The following ABCE1 variants were observed in gnomAD, a reference collection of about 807,000 sequenced individuals.
ABCE1 encodes the protein ATP-binding cassette sub-family E member 1.
A neutral mutation model predicts 83.4 loss-of-function variants in ABCE1; 22 were observed. The observed-to-expected ratio is 0.26, with a 90% confidence interval of 0.19 to 0.38. The LOEUF is 0.38. Ranked by LOEUF, ABCE1 falls within the 10% of genes least tolerant of loss-of-function variation. The pLI, the probability that ABCE1 is intolerant of heterozygous loss-of-function variation, is 1.00. For missense variants in ABCE1, 330 were observed against 721.9 expected (o/e 0.46, Z 6.22); for synonymous variants, 204 against 233.7 (o/e 0.87, Z 1.16).
chr4:145,110,295 A>T lies in ABCE1; in HGVS notation c.543+55A>T, dbSNP rs1579213401. The T allele has an allele frequency of 5.6e-6, 9 of 1,598,724 alleles. No individual in the cohort carries two copies. The East Asian group carries it at 2.0e-4, about 36-fold the overall frequency. On this transcript the variant is annotated intron_variant, in intron 6 of 17. Transcript: ENST00000296577. ...ATATTAGTAGAAGTATAAAAGATAT[A>T]TCAAAATAAACTTGTTTTACTTTGT... is the stretch of plus-strand genomic sequence containing the variant.
chr4:145,109,764 T>C (rs1194538136), intron 5 of ABCE1, among the ~76,000 whole-genome samples: 1 of 152,200 alleles, frequency 6.6e-6, no homozygotes. Flanking sequence ...TCTGAATCCT[T>C]GATTAAGTAT....
At chr4:145,122,043 C>T (rs1225229109) in intron 13 of ABCE1, 1 of 152,088 alleles carries the variant, frequency 6.6e-6, no homozygotes, top group African/African-American at 2.4e-5. Context: ...TTGTATCCAG[C>T]ATGTATAAAG....
Position 145,121,177 on chromosome 4 carries a change from C to T in ABCE1, c.1148C>T (p.Thr383Met). The change falls in exon 12 of 18, where the codon ACG (threonine) becomes ATG (methionine). Residue 383 changes from threonine (T) to methionine (M), a missense_variant. Transcript: ENST00000296577. ...EIMVMLGENGTGKTTFIRMLA... is the reference protein window; with the variant it reads ...EIMVMLGENGMGKTTFIRMLA... ...CTGTCATATGTTGTGTTGCCAGGAA[C>T]GGGTAAAACGACATTTATCAGAATG... is the stretch of plus-strand genomic sequence containing the variant. The T allele has an allele frequency of 2.5e-6, 4 of 1,613,172 alleles. No individual in the cohort carries two copies. The highest frequency in any genetic ancestry group is 3.4e-6 in the Non-Finnish European group (4 of 1,179,850).
intron 1 of ABCE1, 129 bp from the exon 2 acceptor site, chr4:145,104,257 T>A (rs1382334339): frequency 2.4e-6 from 1 of 422,992 alleles, no homozygotes; most frequent in Non-Finnish European, 4.1e-6. Context: ...TTTGTCAAAA[T>A]TTATATTTTT....
intron 5 of ABCE1, 35 bp downstream of exon 5, chr4:145,109,284 G>T: frequency 7.6e-7 from 1 of 1,310,728 alleles, no homozygotes. Flanking sequence ...TTAATATCAT[G>T]AGTCAGTTTT....
chr4:145,119,868 C>T (rs1749697955), intron 10 of ABCE1, 64 bp from the exon 11 acceptor site: 3 of 1,249,870 alleles, frequency 2.4e-6, no homozygotes, highest in Non-Finnish European at 3.5e-6. Flanking sequence ...ATAGATTGCT[C>T]CCAAGAGAGC....
At chr4:145,103,101 T>G (rs1356839307) in intron 1 of ABCE1, among the ~76,000 whole-genome samples, 1 of 152,168 alleles carries the variant, frequency 6.6e-6, no homozygotes, top group Non-Finnish European at 1.5e-5. Flanking sequence ...GTTAGATAGT[T>G]GAGATGCAAA....
At chr4:145,115,043 C>G (rs2126708313) in intron 9 of ABCE1, among the ~76,000 whole-genome samples, 1 of 152,016 alleles carries the variant, frequency 6.6e-6, no homozygotes, top group Admixed American at 6.6e-5. Context: ...AGTTTGACCT[C>G]AGAACATTAT....
chr4:145,108,955 A>G (rs932325221), intron 4 of ABCE1, among the ~76,000 whole-genome samples, 177 bp from the exon 5 acceptor site: 1 of 152,212 alleles, frequency 6.6e-6, no homozygotes, highest in African/African-American at 2.4e-5. Flanking sequence ...CTTTTTTCTA[A>G]TAGCCATTAA....
chr4:145,126,068 A>G (rs982036716), intron 17 of ABCE1, among the ~76,000 whole-genome samples: 1 of 152,072 alleles, frequency 6.6e-6, no homozygotes. Flanking sequence ...CCCCCGCAAA[A>G]AAAGTATATT....
chr4:145,104,353 AT>A (rs1749240660), intron 1 of ABCE1, 32 bp from the exon 2 acceptor site: 2 of 1,077,758 alleles, frequency 1.9e-6, no homozygotes, highest in Non-Finnish European at 1.3e-6. Flanking sequence ...CCCTTAACTA[AT>A]GGCATTAAAT....
intron 5 of ABCE1, 54 bp from the exon 6 acceptor site, chr4:145,110,049 T>C: frequency 7.0e-7 from 1 of 1,435,226 alleles, no homozygotes; most frequent in Non-Finnish European, 9.4e-7. Flanking sequence ...ATTCATCCTC[T>C]TTGTCATTGT....
intron 9 of ABCE1, 29 bp from the exon 10 acceptor site, chr4:145,117,264 T>G (rs369324191): frequency 3.2e-6 from 5 of 1,576,380 alleles, no homozygotes; most frequent in Admixed American, 3.6e-5. Flanking sequence ...TATGTAAGAG[T>G]TTTAACTAAA....
chr4:145,113,047 A>G (rs985902003), intron 9 of ABCE1, among the ~76,000 whole-genome samples: 81 of 152,328 alleles, frequency 5.3e-4, no homozygotes, highest in African/African-American at 1.9e-3. Context: ...TCATCTTGCA[A>G]GAAAGCAAGA....
chr4:145,100,726 A>C (rs1749126831), intron 1 of ABCE1, among the ~76,000 whole-genome samples: 1 of 152,210 alleles, frequency 6.6e-6, no homozygotes. Context: ...TATTACATGA[A>C]CATTTAGTCT....
At chr4:145,103,034 G>T (rs1414680322) in intron 1 of ABCE1, among the ~76,000 whole-genome samples, 4 of 152,054 alleles carry the variant, frequency 2.6e-5, no homozygotes, top group African/African-American at 9.7e-5. Context: ...GTTAACAGGG[G>T]CTGAAATCTT....
chr4:145,121,281 C>T (rs1260870887), intron 12 of ABCE1, 48 bp downstream of exon 12: 3 of 1,611,062 alleles, frequency 1.9e-6, no homozygotes, highest in Middle Eastern at 1.7e-4. Flanking sequence ...ACACAGTAAA[C>T]TTTAAAGATC....
rs752916417 is a variant in ABCE1, at chr4:145,117,259, A to G, written c.801-34A>G. The G allele has an allele frequency of 3.8e-6, 6 of 1,561,112 alleles. No individual in the cohort carries two copies. The Admixed American group carries it at 7.2e-5, about 19-fold the overall frequency. On this transcript the variant is annotated intron_variant, in intron 9 of 17. Coordinates refer to ENST00000296577, the MANE Select transcript of ABCE1 (RefSeq NM_002940.3). The stretch of plus-strand genomic sequence containing the variant: ...TTCCAACTATTAAAAATAGTTATGT[A>G]AGAGTTTTAACTAAAATCTGGTTTG...
Position 145,119,940 on chromosome 4 carries a change from A to G in ABCE1, c.931A>G (p.Ile311Val). ...AATTTTCTTCCCAACAGGCATAAAC[A>G]TTTTTTTGGATGGCTATGTTCCAAC... ...MPFSVREGIN[I>V]FLDGYVPTEN... The change falls in exon 11 of 18, where the codon ATT becomes GTT. Residue 311 changes from isoleucine to valine, a missense_variant. Coordinates refer to ENST00000296577, the MANE Select transcript of ABCE1 (RefSeq NM_002940.3). The G allele has an allele frequency of 6.2e-7, 1 of 1,609,366 alleles. No homozygotes were observed. The highest frequency in any genetic ancestry group is 8.5e-7 in the Non-Finnish European group (1 of 1,178,252).
Sources: allele counts gnomAD v4.1 joint callset (sites outside exome capture counted in the v4.1 genomes callset), GRCh38; gene constraint gnomAD v4.1.1; transcripts MANE v1.5; gene names NCBI Gene and HGNC (gene_info 2026-07-23, HGNC 2026-07-21).